ICMT: variants seen among roughly 807,000 people sequenced by gnomAD.
The protein encoded by ICMT is isoprenylcysteine carboxyl methyltransferase, also known as protein-S-isoprenylcysteine O-methyltransferase.
ICMT carries 10 observed loss-of-function variants against 32.2 expected under a neutral mutation model. That is an observed-to-expected ratio of 0.31 (90% confidence interval 0.19 to 0.53). ICMT has a LOEUF of 0.53. Among genes scored for constraint, ICMT ranks in the 20% least tolerant of loss-of-function variants. ICMT has a pLI of 0.96. For missense variants in ICMT, 265 were observed against 356.9 expected, an observed-to-expected ratio of 0.74 and a Z score of 2.07; for synonymous variants, 183 against 158.2, an observed-to-expected ratio of 1.16 and a Z score of -1.18.
At chr1:6,235,599 G>A in intron 1 of ICMT, 118 bp downstream of exon 1, 1 of 651,722 alleles carries the variant, frequency 1.5e-6, no homozygotes, top group Non-Finnish European at 2.0e-6. Flanking sequence ...TGAACTCGCG[G>A]ATGAAGAGCG....
chr1:6,234,460 C>T, intron 2 of ICMT: 1 of 497,080 alleles, frequency 2.0e-6, no homozygotes, highest in South Asian at 1.5e-5. Flanking sequence ...GGACTGAAAT[C>T]ATAGTGTAGG....
intron 4 of ICMT, among the ~76,000 whole-genome samples, 159 bp downstream of exon 4, chr1:6,231,743 T>C (rs928894217): frequency 1.8e-4 from 27 of 151,970 alleles, no homozygotes; most frequent in African/African-American, 6.0e-4. Context: ...AAGAAGAACA[T>C]GTACCTATTA....
Position 6,235,706 on chromosome 1 carries a change from C to T in ICMT, c.195+11G>A, listed in dbSNP as rs1668814041. ...CCCCGCCGGCCCCCGCCGGCCCCCG[C>T]CGGCCTGCACCTGGTAGCGAGGCGG... is the stretch of plus-strand genomic sequence containing the variant. On this transcript the variant is annotated intron_variant, in intron 1 of 4. Transcript: ENST00000343813. 8.3e-7 allele frequency: 1 copy of T among 1,199,104 alleles called. No homozygotes were observed. The highest frequency in any genetic ancestry group is 1.0e-6 in the Non-Finnish European group (1 of 967,974). The allele number at this position is 1,199,104 out of a possible 1,614,324, so 74.3% of individuals were successfully genotyped here. A position where few individuals can be genotyped will look rare whatever the true frequency, so the allele number is the denominator to read the frequency against.
At chr1:6,225,999 C>G (rs1300415423) in intron 4 of ICMT, among the ~76,000 whole-genome samples, 1 of 152,094 alleles carries the variant, frequency 6.6e-6, no homozygotes, top group Non-Finnish European at 1.5e-5. Context: ...GGACTAAGGG[C>G]ACATGCCACC....
rs1279150150 is a variant in ICMT, at chr1:6,235,925, G to C, written c.-14C>G. 9.4e-7 allele frequency: 1 copy of C among 1,059,020 alleles called. No individual in the cohort carries two copies. Among genetic ancestry groups the C allele is most frequent in the African/African-American group, 2.1e-5 (1 of 48,132 alleles). The allele number at this position is 1,059,020 out of a possible 1,614,324, so 65.6% of individuals were successfully genotyped here. ...GCAGCCCGCCATGGCGCCGGGCGGCGGACTAGCGGGCGGCGGCGCCGGCTG... is the reference window on the plus strand; with the variant it reads ...GCAGCCCGCCATGGCGCCGGGCGGCCGACTAGCGGGCGGCGGCGCCGGCTG... On this transcript the variant is annotated 5_prime_UTR_variant, in exon 1 of 5. Coordinates refer to ENST00000343813, the MANE Select transcript of ICMT (RefSeq NM_012405.4).
Position 6,223,439 on chromosome 1 carries a change from C to T in ICMT, c.*1641G>A, listed in dbSNP as rs1380909001. 1.3e-5 allele frequency: 2 copies of T among 152,196 alleles called. No individual in the cohort carries two copies. Among genetic ancestry groups the T allele is most frequent in the Non-Finnish European group, 2.9e-5 (2 of 68,018 alleles). The allele number at this position is 152,196 out of a possible 1,614,324, so 9.4% of individuals were successfully genotyped here. A position where few individuals can be genotyped will look rare whatever the true frequency, so the allele number is the denominator to read the frequency against. ...TGGTTTTCAAACCAATCAATGAACCCGTAAGCCTCTTTGGTATATATAACA... is the reference window on the plus strand; with the variant it reads ...TGGTTTTCAAACCAATCAATGAACCTGTAAGCCTCTTTGGTATATATAACA... On this transcript the variant is annotated 3_prime_UTR_variant, in exon 5 of 5. Transcript: ENST00000343813.
chr1:6,235,790 C>T lies in ICMT; in HGVS notation c.122G>A (p.Arg41His). 3 of 1,334,292 alleles carry T rather than the reference C, an allele frequency of 2.2e-6. No individual in the cohort carries two copies. Among genetic ancestry groups the T allele is most frequent in the Non-Finnish European group, 2.9e-6 (3 of 1,033,650 alleles). The allele number at this position is 1,334,292 out of a possible 1,614,324, so 82.7% of individuals were successfully genotyped here. Residue 41 changes from arginine (R) to histidine (H), a missense_variant, in exon 1 of 5, where the codon CGC (arginine) becomes CAC (histidine). Arg to His is a conservative substitution (Grantham distance 29). Coordinates refer to ENST00000343813, the MANE Select transcript of ICMT (RefSeq NM_012405.4). ...PLLTRAGLQG[R>H]TGLALYVAGL... ...GGCCACGTAGAGCGCCAGCCCGGTGCGGCCCTGCAGGCCGGCGCGCGTGAG... is the reference window on the plus strand; with the variant it reads ...GGCCACGTAGAGCGCCAGCCCGGTGTGGCCCTGCAGGCCGGCGCGCGTGAG...
intron 4 of ICMT, among the ~76,000 whole-genome samples, chr1:6,229,866 CTTT>C (rs1273204731): frequency 1.3e-5 from 2 of 151,614 alleles, no homozygotes; most frequent in African/African-American, 4.8e-5. Flanking sequence ...CCTTACACTT[CTTT>C]TTCTTTTTTT....
In ICMT at chr1:6,225,036, C is replaced by T; in HGVS notation, c.*44G>A. The T allele has an allele frequency of 1.3e-6, 2 of 1,538,310 alleles. No homozygotes were observed. The highest frequency in any genetic ancestry group is 1.8e-6 in the Non-Finnish European group (2 of 1,130,608). ...CAACCGGAAACAGTTTTGTCCCAGG[C>T]TGCACAGGGTCGGAGGCCCCAAGGT... On this transcript the variant is annotated 3_prime_UTR_variant, in exon 5 of 5. Coordinates refer to ENST00000343813, the MANE Select transcript of ICMT (RefSeq NM_012405.4).
At chr1:6,229,658 T>A (rs1668700019) in intron 4 of ICMT, among the ~76,000 whole-genome samples, 1 of 151,808 alleles carries the variant, frequency 6.6e-6, no homozygotes, top group South Asian at 2.1e-4. Context: ...GAGACTAAGG[T>A]GGGAGGATCA....
rs956470309 is a variant in ICMT, at chr1:6,233,740, G to A, written c.285-97C>T. On this transcript the variant is annotated intron_variant, in intron 2 of 4. Coordinates refer to ENST00000343813, the MANE Select transcript of ICMT (RefSeq NM_012405.4). Reference sequence around the variant, plus strand: ...TCCTGAGCTGTCCCTAAGTCTATGAGGCCCTGTTCTCACCTGTCTGAGAGT... The same window carrying A: ...TCCTGAGCTGTCCCTAAGTCTATGAAGCCCTGTTCTCACCTGTCTGAGAGT... 6.0e-5 allele frequency: 58 copies of A among 965,538 alleles called. No homozygotes were observed. The African/African-American group carries it at 8.9e-4, about 15-fold the overall frequency. 59.8% of individuals were successfully genotyped at this position (965,538 alleles called of 1,614,324 possible).
Position 6,235,942 on chromosome 1 carries a change from C to G in ICMT, c.-31G>C. The G allele has an allele frequency of 2.8e-6, 3 of 1,082,342 alleles. No homozygotes were observed. The highest frequency in any genetic ancestry group is 2.2e-6 in the Non-Finnish European group (2 of 889,542). 67.0% of individuals were successfully genotyped at this position (1,082,342 alleles called of 1,614,324 possible). On this transcript the variant is annotated 5_prime_UTR_variant, in exon 1 of 5. Coordinates refer to ENST00000343813, the MANE Select transcript of ICMT (RefSeq NM_012405.4). ...CGGGCGGCGGACTAGCGGGCGGCGG[C>G]GCCGGCTGTAGCCCGGAGAAACGCG...
rs1177398378 is a variant in ICMT at position 6,235,956 on chromosome 1, C to T, written c.-45G>A. The T allele has an allele frequency of 2.9e-5, 29 of 1,008,674 alleles. No homozygotes were observed. In the East Asian group the frequency reaches 7.6e-4, roughly 26 times the overall value. 62.5% of individuals were successfully genotyped at this position (1,008,674 alleles called of 1,614,324 possible). On this transcript the variant is annotated 5_prime_UTR_variant, in exon 1 of 5. Coordinates refer to ENST00000343813, the MANE Select transcript of ICMT (RefSeq NM_012405.4). The stretch of plus-strand genomic sequence containing the variant: ...GCGGGCGGCGGCGCCGGCTGTAGCC[C>T]GGAGAAACGCGCCGGCTGCGCCTGC...
intron 2 of ICMT, chr1:6,234,592 C>T (rs1036066524): frequency 2.0e-6 from 1 of 501,862 alleles, no homozygotes; most frequent in Non-Finnish European, 3.8e-6. Context: ...ACCTGCACCC[C>T]TTCCGGGAAG....
At chr1:6,225,900 C>T (rs1042090899) in intron 4 of ICMT, among the ~76,000 whole-genome samples, 5 of 151,848 alleles carry the variant, frequency 3.3e-5, no homozygotes, top group Admixed American at 3.3e-4. Context: ...CACTCTGTCA[C>T]GTGGAGTGCA....
In ICMT at chr1:6,223,491, T is replaced by A. The variant is rs2100957579; in HGVS notation, c.*1589A>T. ...TGAAAAAATTCATTAAGCCATGAAA[T>A]CTAGAAATAAGTCATATTTCTGAGT... On this transcript the variant is annotated 3_prime_UTR_variant, in exon 5 of 5. Transcript: ENST00000343813. 6.6e-6 allele frequency: 1 copy of A among 152,442 alleles called. No homozygotes were observed. Among genetic ancestry groups the A allele is most frequent in the African/African-American group, 2.4e-5 (1 of 41,562 alleles). The allele number at this position is 152,442 out of a possible 1,614,324, so 9.4% of individuals were successfully genotyped here.
rs776422253 is a variant in ICMT, at chr1:6,223,098, G to GT, written c.*1981dup. On this transcript the variant is annotated 3_prime_UTR_variant, in exon 5 of 5. Coordinates refer to ENST00000343813, the MANE Select transcript of ICMT (RefSeq NM_012405.4). ...GAGGGCCGATGGGCAAGTCCGTCCG[G>GT]TTTTTTTTGTTGTTGTTGTTGTTTT... 3.7e-4 allele frequency: 57 copies of GT among 152,048 alleles called. No individual in the cohort carries two copies. The highest frequency in any genetic ancestry group is 6.8e-4 in the Non-Finnish European group (46 of 68,052). The allele number at this position is 152,048 out of a possible 1,614,324, so 9.4% of individuals were successfully genotyped here.
At chr1:6,229,405 G>A (rs1342936181) in intron 4 of ICMT, among the ~76,000 whole-genome samples, 1 of 152,186 alleles carries the variant, frequency 6.6e-6, no homozygotes, top group Non-Finnish European at 1.5e-5. Flanking sequence ...TTGAACCCGG[G>A]AGGCAGAGGT....
Position 6,225,223 on chromosome 1 carries a change from G to A in ICMT, c.712C>T (p.Leu238=). The A allele has an allele frequency of 6.2e-7, 1 of 1,613,972 alleles. No individual in the cohort carries two copies. Among genetic ancestry groups the A allele is most frequent in the South Asian group, 1.1e-5 (1 of 91,078 alleles). The part of the protein sequence containing the change: ...CNPICGVSYA[L]TVWRFFRDRT... ...TCGCGGAAGAATCGCCACACTGTCA[G>A]GGCATAGCTGACGCCGCAGATGGGG... Residue 238 remains leucine, a synonymous_variant, in exon 5 of 5, where the codon CTG becomes TTG. Transcript: ENST00000343813.
Sources: gnomAD v4.1 joint callset for allele counts (sites outside exome capture counted in the v4.1 genomes callset) on GRCh38, gnomAD v4.1.1 for gene constraint, MANE v1.5 for transcripts, NCBI Gene and HGNC (gene_info 2026-07-23, HGNC 2026-07-21) for gene names.